ARHGEF4: variants seen among roughly 807,000 people sequenced by gnomAD.
ARHGEF4 encodes APC-stimulated guanine nucleotide exchange factor 1.
ARHGEF4 carries 119 observed loss-of-function variants against 162.0 expected under a neutral mutation model. That is an observed-to-expected ratio of 0.73 (90% CI 0.63 to 0.86). ARHGEF4 has a LOEUF of 0.86. Ranked by LOEUF, ARHGEF4 falls within the 40% of genes least tolerant of loss-of-function variation. The pLI, the probability that ARHGEF4 is intolerant of heterozygous loss-of-function variation, is 0.00. For synonymous variants in ARHGEF4, 1,014 were observed against 979.9 expected, an observed-to-expected ratio of 1.03 and a Z score of -0.65; for missense variants, 2,488 against 2,456.0, an observed-to-expected ratio of 1.01 and a Z score of -0.28.
intron 4 of ARHGEF4, among the ~76,000 whole-genome samples, chr2:130,988,846 A>ATT (rs1449082748): frequency 1.4e-5 from 2 of 144,804 alleles, no homozygotes; most frequent in Non-Finnish European, 3.0e-5. Context: ...CTCCACATAT[A>ATT]TTTGTGTGTG....
In ARHGEF4 at chr2:130,967,282, C is replaced by T. The variant is rs563455198; in HGVS notation, c.3985+20647C>T. 2.0e-5 allele frequency among the ~76,000 whole-genome samples: 3 copies of T among 152,296 alleles called. 1 individual carries two copies. In the East Asian group the frequency reaches 5.8e-4, roughly 29 times the overall value. On this transcript the variant is annotated intron_variant, in intron 4 of 13. Coordinates refer to ENST00000409359, the MANE Select transcript of ARHGEF4 (RefSeq NM_001367493.1). The stretch of plus-strand genomic sequence containing the variant: ...TTCCCTTTGAGGCATAATCCGAACA[C>T]GAAATATAGCTGACAGGGTGGAATT...
At position 130,931,268 on chromosome 2, in the gene ARHGEF4, C is replaced by A; in HGVS notation, c.3858+11C>A. The A allele has an allele frequency of 6.3e-7, 1 of 1,590,116 alleles. No homozygotes were observed. Among genetic ancestry groups the A allele is most frequent in the Non-Finnish European group, 8.6e-7 (1 of 1,165,616 alleles). On this transcript the variant is annotated intron_variant, in intron 3 of 13. Coordinates refer to ENST00000409359, the MANE Select transcript of ARHGEF4 (RefSeq NM_001367493.1). ...AAAGATGGAGTCAAGGTAAGCCACT[C>A]CCGGCCAGGAGTCCTCAGACTTGGT...
chr2:130,917,449 C>G lies in ARHGEF4; in HGVS notation c.3503C>G (p.Pro1168Arg). Residue 1168 changes from proline (P) to arginine (R), a missense_variant, in exon 2 of 14, where the codon CCG (proline) becomes CGG (arginine). Pro to Arg is a moderately radical substitution (Grantham distance 103). Around this residue, in one of 6 missense-constraint regions of ARHGEF4, gnomAD observed 1,642 missense variants for 1,481.5 expected, o/e 1.11. Coordinates refer to ENST00000409359, the MANE Select transcript of ARHGEF4 (RefSeq NM_001367493.1). ...KEESREGGQG[P>R]RGLGTVPWLR... The stretch of plus-strand genomic sequence containing the variant: ...GAGAGCAGGGAAGGAGGCCAGGGTC[C>G]GCGCGGCTTGGGCACAGTGCCCTGG... The G allele has an allele frequency of 7.7e-6, 12 of 1,550,574 alleles. No homozygotes were observed. The highest frequency in any genetic ancestry group is 1.4e-5 in the African/African-American group (1 of 73,154).
intron 1 of ARHGEF4, among the ~76,000 whole-genome samples, chr2:130,864,021 A>G (rs1192942299): frequency 6.9e-6 from 1 of 145,350 alleles, no homozygotes; most frequent in Non-Finnish European, 1.5e-5. Context: ...CGTCTCTACT[A>G]AAAATACAAA....
chr2:130,946,733 G>C lies in ARHGEF4; in HGVS notation c.3985+98G>C, dbSNP rs569584132. On this transcript the variant is annotated intron_variant, in intron 4 of 13. Transcript: ENST00000409359. ...GGCAGCTGTATCCACTTGCCTGGTAGAAGTAGCTTGAAGGTGAGAGAGATA... is the reference window on the plus strand; with the variant it reads ...GGCAGCTGTATCCACTTGCCTGGTACAAGTAGCTTGAAGGTGAGAGAGATA... 1.6e-5 allele frequency: 25 copies of C among 1,529,280 alleles called. No homozygotes were observed. In the East Asian group the frequency reaches 5.7e-4, roughly 35 times the overall value. 94.7% of individuals were successfully genotyped at this position (1,529,280 alleles called of 1,614,324 possible).
At position 130,836,994 on chromosome 2, in the gene ARHGEF4, T is replaced by C; in HGVS notation, c.39+2T>C. 8.2e-7 allele frequency: 1 copy of C among 1,226,906 alleles called. No individual in the cohort carries two copies. The highest frequency in any genetic ancestry group is 1.0e-6 in the Non-Finnish European group (1 of 984,886). 76.0% of individuals were successfully genotyped at this position (1,226,906 alleles called of 1,614,324 possible). A position where few individuals can be genotyped will look rare whatever the true frequency, so the allele number is the denominator to read the frequency against. ...CACTTCCTCCGGAGCTTCTTCAAGG[T>C]GAGAGCCGGCGTCCGGGACTTGCGG... On this transcript the variant is annotated splice_donor_variant, in intron 1 of 13. Transcript: ENST00000409359. LOFTEE classifies it high-confidence loss of function.
chr2:130,888,716 A>G (rs1011408679), intron 1 of ARHGEF4, among the ~76,000 whole-genome samples: 43 of 152,260 alleles, frequency 2.8e-4, no homozygotes, highest in African/African-American at 9.9e-4. Flanking sequence ...TTTCTAGCTT[A>G]ACTGCATTGG....
intron 4 of ARHGEF4, among the ~76,000 whole-genome samples, chr2:130,995,924 T>TGAAC (rs1687361971): frequency 6.6e-6 from 1 of 150,426 alleles, no homozygotes; most frequent in African/African-American, 2.4e-5. Flanking sequence ...AGTCTTGCTG[T>TGAAC]GTTCGCCCAG....
chr2:130,863,999 A>G (rs952216290), intron 1 of ARHGEF4, among the ~76,000 whole-genome samples: 1 of 137,542 alleles, frequency 7.3e-6, no homozygotes, highest in Non-Finnish European at 1.6e-5. Flanking sequence ...CCTGGCAAAC[A>G]CGGTGAAACC....
At chr2:130,864,205 A>AG in intron 1 of ARHGEF4, among the ~76,000 whole-genome samples, 1 of 150,898 alleles carries the variant, frequency 6.6e-6, no homozygotes, top group East Asian at 1.9e-4. Context: ...AAGAAAGAAA[A>AG]AAAAAAAAAG....
intron 1 of ARHGEF4, among the ~76,000 whole-genome samples, chr2:130,851,904 C>G (rs890211906): frequency 3.3e-5 from 5 of 152,214 alleles, no homozygotes; most frequent in African/African-American, 9.7e-5. Context: ...TGCCACCTGC[C>G]AGGTTGGTGC....
intron 2 of ARHGEF4, among the ~76,000 whole-genome samples, chr2:130,927,898 GA>G (rs745334875): frequency 2.6e-5 from 4 of 152,114 alleles, no homozygotes; most frequent in African/African-American, 4.8e-5. Context: ...TCCAGAATTG[GA>G]AGTTTCCTGT....
intron 1 of ARHGEF4, among the ~76,000 whole-genome samples, chr2:130,905,663 T>A (rs1219305726): frequency 6.6e-6 from 1 of 152,070 alleles, no homozygotes; most frequent in Non-Finnish European, 1.5e-5. Context: ...CTAAAACAGA[T>A]GAGTATAATA....
At chr2:130,879,772 A>T (rs1235716961) in intron 1 of ARHGEF4, among the ~76,000 whole-genome samples, 3 of 149,378 alleles carry the variant, frequency 2.0e-5, no homozygotes, top group East Asian at 3.9e-4. Flanking sequence ...TTTCTTCTTT[A>T]TTTTTTTATT....
chr2:130,992,360 G>A (rs531140204), intron 4 of ARHGEF4, among the ~76,000 whole-genome samples: 21 of 152,180 alleles, frequency 1.4e-4, no homozygotes, highest in African/African-American at 4.8e-4. Context: ...CTCACTCTTT[G>A]GGTCCATGCT....
chr2:131,035,021 G>A (rs1690136882), intron 5 of ARHGEF4: 1 of 987,426 alleles, frequency 1.0e-6, no homozygotes, highest in African/African-American at 1.8e-5. Context: ...CTCTCCCCGG[G>A]CGCTGCGGGC....
chr2:130,911,394 C>T (rs890643419), intron 1 of ARHGEF4, among the ~76,000 whole-genome samples: 3 of 152,204 alleles, frequency 2.0e-5, no homozygotes, highest in Admixed American at 6.5e-5. Flanking sequence ...CCTGAGCCTC[C>T]GCAGAAAGAA....
Position 131,046,159 on chromosome 2 carries a change from C to G in ARHGEF4, c.5601C>G (p.Ser1867Arg). Residue 1867 changes from serine (S) to arginine (R), a missense_variant, in exon 14 of 14, where the codon AGC (serine) becomes AGG (arginine). By Grantham distance (110) the Ser-to-Arg change is moderately radical (BLOSUM62 -1). This residue lies in a region of ARHGEF4 where 415 missense variants were observed against 512.4 expected (regional missense o/e 0.81). Transcript: ENST00000409359. ...GCAAGCCATCTACCTTCTGGCACAG[C>G]ATCAGCCGGCTGGCACCCTTCCGCA... is the stretch of plus-strand genomic sequence containing the variant. ...PRRKPSTFWHSISRLAPFRK is the reference protein window; with the variant it reads ...PRRKPSTFWHRISRLAPFRK 1 of 1,612,888 alleles carries G rather than the reference C, an allele frequency of 6.2e-7. No homozygotes were observed. Among genetic ancestry groups the G allele is most frequent in the South Asian group, 1.1e-5 (1 of 91,060 alleles).
At chr2:130,903,376 C>T (rs1306190079) in intron 1 of ARHGEF4, among the ~76,000 whole-genome samples, 1 of 152,022 alleles carries the variant, frequency 6.6e-6, no homozygotes, top group East Asian at 1.9e-4. Context: ...TCTCCTGCCT[C>T]AGCCTCCCGC....
Sources: gnomAD v4.1 joint callset for allele counts (sites outside exome capture counted in the v4.1 genomes callset) on GRCh38, gnomAD v4.1.1 for gene constraint, gnomAD v4.1.1 regional missense constraint, MANE v1.5 for transcripts, NCBI Gene and HGNC (gene_info 2026-07-23, HGNC 2026-07-21) for gene names.